PARD3B: variants seen among roughly 807,000 people sequenced by gnomAD.
The protein encoded by PARD3B is partitioning defective 3 homolog B.
PARD3B carries 103 observed loss-of-function variants against 130.2 expected under a neutral mutation model. The ratio of observed to expected loss-of-function variants is 0.79; its 90% CI spans 0.67 to 0.93. The LOEUF (loss-of-function observed/expected upper bound fraction) is 0.93. PARD3B is among the 40% of genes least tolerant of loss of function. PARD3B has a pLI of 0.00. For synonymous variants in PARD3B, 583 were observed against 553.2 expected (o/e 1.05, Z -0.76); for missense variants, 1,609 against 1,499.2 (o/e 1.07, Z -1.21).
At chr2:205,290,732 A>G (rs577204412) in intron 16 of PARD3B, among the ~76,000 whole-genome samples, 1 of 152,320 alleles carries the variant, frequency 6.6e-6, no homozygotes, top group East Asian at 1.9e-4. Context: ...CCCCCAAAAA[A>G]TCATACATTG....
intron 3 of PARD3B, among the ~76,000 whole-genome samples, chr2:205,006,148 C>G (rs191291541): frequency 3.7e-4 from 57 of 152,192 alleles, no homozygotes; most frequent in African/African-American, 1.1e-3. Context: ...TATTTCATTC[C>G]TTTTTTATGG....
intron 18 of PARD3B, among the ~76,000 whole-genome samples, chr2:205,346,642 T>C (rs2043802496): frequency 6.6e-6 from 1 of 152,198 alleles, no homozygotes; most frequent in East Asian, 1.9e-4. Context: ...ATCCTTCATA[T>C]GGTCACCTTT....
At chr2:205,574,598 T>C (rs1450954149) in intron 22 of PARD3B, among the ~76,000 whole-genome samples, 2 of 152,026 alleles carry the variant, frequency 1.3e-5, no homozygotes, top group African/African-American at 4.8e-5. Context: ...TTTCTAGCAT[T>C]TACAGGAATC....
At chr2:204,798,955 G>T (rs2042469725) in intron 2 of PARD3B, among the ~76,000 whole-genome samples, 1 of 151,870 alleles carries the variant, frequency 6.6e-6, no homozygotes, top group African/African-American at 2.4e-5. Context: ...GCGCATTCCC[G>T]CCTTTCTTGG....
At chr2:205,271,764 C>T (rs945634777) in intron 16 of PARD3B, among the ~76,000 whole-genome samples, 42 of 152,296 alleles carry the variant, frequency 2.8e-4, no homozygotes, top group African/African-American at 9.6e-4. Context: ...CTGATGCTCC[C>T]ATATTGCTTT....
Position 205,576,064 on chromosome 2 carries a change from A to G in PARD3B, c.3260+22661A>G, listed in dbSNP as rs563181354. On this transcript the variant is annotated intron_variant, in intron 22 of 22. Transcript: ENST00000406610. ...GTTGTCAGTATTTCTAATTGTGGCC[A>G]TCCTAATAGGTATGTAGTAGTATTT... Among the ~76,000 whole-genome samples the G allele has an allele frequency of 5.9e-5, 9 of 152,216 alleles. No individual in the cohort carries two copies. The South Asian group carries it at 1.9e-3, about 32-fold the overall frequency.
intron 11 of PARD3B, among the ~76,000 whole-genome samples, chr2:205,163,787 C>A (rs75080360): frequency 0.013 from 1,988 of 152,148 alleles, 44 homozygotes; most frequent in African/African-American, 0.045. Flanking sequence ...TGTGATAGAT[C>A]TATAATTAAT....
At chr2:204,647,964 AAT>A (rs1214458904) in intron 1 of PARD3B, among the ~76,000 whole-genome samples, 1 of 151,536 alleles carries the variant, frequency 6.6e-6, no homozygotes, top group Non-Finnish European at 1.5e-5. Context: ...GAATATTATA[AAT>A]ATTATGAGTA....
intron 2 of PARD3B, among the ~76,000 whole-genome samples, chr2:204,953,799 C>G (rs1690011780): frequency 1.3e-5 from 2 of 152,152 alleles, no homozygotes; most frequent in Admixed American, 1.3e-4. Flanking sequence ...TAATTATGCT[C>G]AACGTATTTC....
chr2:205,008,249 G>A (rs988209924), intron 3 of PARD3B, among the ~76,000 whole-genome samples: 15 of 151,324 alleles, frequency 9.9e-5, no homozygotes, highest in African/African-American at 1.9e-4. Flanking sequence ...ATGCATAGTC[G>A]TGATAAAGGA....
chr2:205,072,414 C>A (rs1164367206), intron 4 of PARD3B, among the ~76,000 whole-genome samples: 2 of 151,960 alleles, frequency 1.3e-5, no homozygotes, highest in East Asian at 3.9e-4. Context: ...CCACGCCTGG[C>A]TAATTTTTAC....
At chr2:205,455,680 T>G (rs2048249683) in intron 20 of PARD3B, among the ~76,000 whole-genome samples, 1 of 152,158 alleles carries the variant, frequency 6.6e-6, no homozygotes, top group African/African-American at 2.4e-5. Flanking sequence ...TAACTTTTTA[T>G]TTTGAAATTT....
intron 21 of PARD3B, among the ~76,000 whole-genome samples, chr2:205,510,407 G>A (rs1451480133): frequency 6.6e-6 from 1 of 152,126 alleles, no homozygotes; most frequent in Non-Finnish European, 1.5e-5. Context: ...AGCACACAAA[G>A]CCTTGAGGGT....
intron 19 of PARD3B, among the ~76,000 whole-genome samples, chr2:205,425,000 A>G (rs1289707424): frequency 6.6e-6 from 1 of 152,218 alleles, no homozygotes; most frequent in Non-Finnish European, 1.5e-5. Context: ...AAGCACATCA[A>G]CAAGTTACAA....
Position 204,664,297 on chromosome 2 carries a change from T to C in PARD3B, c.121-21884T>C, listed in dbSNP as rs1172310128. ...AATTGCTTGCTCTCAGATACTAGTCTTTTTTGTTTTTCAAGTAATGGAGAA... is the reference window on the plus strand; with the variant it reads ...AATTGCTTGCTCTCAGATACTAGTCCTTTTTGTTTTTCAAGTAATGGAGAA... On this transcript the variant is annotated intron_variant, in intron 1 of 22. Coordinates refer to ENST00000406610, the MANE Select transcript of PARD3B (RefSeq NM_001302769.2). This position sits in a 1 kb window ranked among gnomAD's most constrained non-coding sequence, Gnocchi z 5.2. Among the ~76,000 whole-genome samples the C allele has an allele frequency of 2.0e-5, 3 of 152,212 alleles. No homozygotes were observed. Among genetic ancestry groups the C allele is most frequent in the Non-Finnish European group, 4.4e-5 (3 of 68,042 alleles).
Position 204,575,801 on chromosome 2 carries a change from T to G in PARD3B, c.120+29682T>G, listed in dbSNP as rs780919870. Among the ~76,000 whole-genome samples the G allele has an allele frequency of 7.9e-5, 12 of 152,188 alleles. No homozygotes were observed. The South Asian group carries it at 1.5e-3, about 18-fold the overall frequency. On this transcript the variant is annotated intron_variant, in intron 1 of 22. Transcript: ENST00000406610. ...CCTGGTGAGTTCAGCTTTTGTGGTC[T>G]TGGATGATTCCTGTGCTTTGTTCAG... is the stretch of plus-strand genomic sequence containing the variant.
intron 21 of PARD3B, among the ~76,000 whole-genome samples, chr2:205,505,095 A>G (rs2050303056): frequency 1.3e-5 from 2 of 152,216 alleles, no homozygotes; most frequent in African/African-American, 4.8e-5. Context: ...TTGTAGGGAC[A>G]TGGATGAAGC....
At chr2:205,362,330 T>C (rs1261803069) in intron 18 of PARD3B, among the ~76,000 whole-genome samples, 2 of 152,232 alleles carry the variant, frequency 1.3e-5, no homozygotes, top group Non-Finnish European at 2.9e-5. Flanking sequence ...ATTTCTGTTG[T>C]TCAATCATAG....
At chr2:204,570,055 G>A (rs1222210381) in intron 1 of PARD3B, among the ~76,000 whole-genome samples, 1 of 152,170 alleles carries the variant, frequency 6.6e-6, no homozygotes, top group East Asian at 1.9e-4. Context: ...ATGACTGGAG[G>A]TGTGTGTGCT....
Sources: gnomAD v4.1 joint callset for allele counts (sites outside exome capture counted in the v4.1 genomes callset) on GRCh38, gnomAD v4.1.1 for gene constraint, Gnocchi (gnomAD v3.1) non-coding constraint, MANE v1.5 for transcripts, NCBI Gene and HGNC (gene_info 2026-07-23, HGNC 2026-07-21) for gene names.